The following PARP8 variants were observed in gnomAD, a reference collection of about 807,000 sequenced individuals.
PARP8 encodes the protein poly(ADP-ribose) polymerase family member 8, also known as protein mono-ADP-ribosyltransferase PARP8.
In PARP8, 51 loss-of-function variants were observed where a neutral mutation model predicts 124.1. The ratio of observed to expected loss-of-function variants is 0.41; its 90% CI spans 0.33 to 0.52. PARP8 has a LOEUF of 0.52. Among genes scored for constraint, PARP8 ranks in the 20% least tolerant of loss-of-function variants. PARP8 has a pLI of 0.21. For synonymous variants in PARP8, 391 were observed against 361.5 expected (o/e 1.08, Z -0.93); for missense variants, 860 against 1,018.9 (o/e 0.84, Z 2.12).
rs1246923684 is a variant in PARP8, at chr5:50,795,255, A to G, written c.1266A>G (p.Gly422=). 1.2e-6 allele frequency: 2 copies of G among 1,614,086 alleles called. No individual in the cohort carries two copies. Among genetic ancestry groups the G allele is most frequent in the African/African-American group, 1.3e-5 (1 of 74,924 alleles). ...ATCTCAGAATGGAAGAATTATATGGACTGAAAAATCACAAATTGCTCAGCA... is the reference window on the plus strand; with the variant it reads ...ATCTCAGAATGGAAGAATTATATGGGCTGAAAAATCACAAATTGCTCAGCA... ...SSNLRMEELY[G]LKNHKLLSKS... is the part of the protein sequence containing the mutation. Residue 422 remains glycine, a synonymous_variant, in exon 12 of 26, where the codon GGA becomes GGG. Transcript: ENST00000281631.
chr5:50,701,359 A>G (rs1753574589), intron 2 of PARP8, among the ~76,000 whole-genome samples: 1 of 152,150 alleles, frequency 6.6e-6, no homozygotes, highest in Non-Finnish European at 1.5e-5. Context: ...TGTGTGGGAT[A>G]CGGATCATGG....
chr5:50,842,677 A>G lies in PARP8; in HGVS notation c.*609A>G, dbSNP rs1216755529. 2 of 151,790 alleles carry G rather than the reference A, an allele frequency of 1.3e-5. No individual in the cohort carries two copies. Among genetic ancestry groups the G allele is most frequent in the Admixed American group, 1.3e-4 (2 of 15,204 alleles). 9.4% of individuals were successfully genotyped at this position (151,790 alleles called of 1,614,324 possible). ...TGTGGTTGTGAATATATTTGTGTATATTCACACGTATGTTTTGACAAGAAA... is the reference window on the plus strand; with the variant it reads ...TGTGGTTGTGAATATATTTGTGTATGTTCACACGTATGTTTTGACAAGAAA... On this transcript the variant is annotated 3_prime_UTR_variant, in exon 26 of 26. Transcript: ENST00000281631.
chr5:50,753,072 A>G (rs1759436695), intron 3 of PARP8, among the ~76,000 whole-genome samples: 1 of 152,120 alleles, frequency 6.6e-6, no homozygotes, highest in Non-Finnish European at 1.5e-5. Context: ...AAGTGAAGAA[A>G]TAGAGAGGCC....
chr5:50,788,721 C>A, intron 10 of PARP8, 132 bp downstream of exon 10: 1 of 708,804 alleles, frequency 1.4e-6, no homozygotes, highest in Non-Finnish European at 2.4e-6. Flanking sequence ...GAGAGGAAAT[C>A]ATCATGATGC....
Position 50,667,160 on chromosome 5 carries a change from G to A in PARP8, c.65G>A (p.Arg22Lys). Residue 22 changes from arginine (R) to lysine (K), a missense_variant, in exon 1 of 26, where the codon AGA (arginine) becomes AAA (lysine). Arg to Lys is a conservative substitution (Grantham distance 26). This residue lies in a region of PARP8 where 517 missense variants were observed against 544.2 expected (regional missense o/e 0.95). Coordinates refer to ENST00000281631, the MANE Select transcript of PARP8 (RefSeq NM_024615.4). ...KDIDVVIQKS[R>K]AEKDCLFADF... is the part of the protein sequence containing the mutation. ...ATCGACGTCGTGATCCAGAAGTCCA[G>A]AGCTGAGAAGGACTGCCTGTTTGCA... is the stretch of plus-strand genomic sequence containing the variant. 1 of 1,596,406 alleles carries A rather than the reference G, an allele frequency of 6.3e-7. No homozygotes were observed. Among genetic ancestry groups the A allele is most frequent in the African/African-American group, 1.3e-5 (1 of 74,968 alleles).
intron 14 of PARP8, among the ~76,000 whole-genome samples, chr5:50,799,905 C>T (rs374957898): frequency 6.6e-6 from 1 of 152,264 alleles, no homozygotes; most frequent in Admixed American, 6.5e-5. Context: ...AGCAGATGGG[C>T]CCTCATCAGG....
intron 2 of PARP8, among the ~76,000 whole-genome samples, chr5:50,712,791 G>C (rs1193827089): frequency 6.6e-6 from 1 of 151,746 alleles, no homozygotes; most frequent in East Asian, 1.9e-4. Flanking sequence ...GGAGAAGAAA[G>C]ATATTTTGGT....
At chr5:50,680,281 T>A (rs1466966938) in intron 2 of PARP8, among the ~76,000 whole-genome samples, 19 of 152,258 alleles carry the variant, frequency 1.2e-4, no homozygotes, top group East Asian at 3.9e-4. Flanking sequence ...AGGATTTTTT[T>A]ATTTTATTTT....
intron 25 of PARP8, among the ~76,000 whole-genome samples, chr5:50,838,209 A>G (rs1289546804): frequency 6.6e-6 from 1 of 152,130 alleles, no homozygotes; most frequent in Non-Finnish European, 1.5e-5. Context: ...GTAATTTTAT[A>G]CATCAAAGAG....
chr5:50,805,937 C>T (rs544525523), intron 14 of PARP8, among the ~76,000 whole-genome samples: 25 of 152,150 alleles, frequency 1.6e-4, no homozygotes, highest in Non-Finnish European at 3.1e-4. Context: ...GGGGATTTCT[C>T]TGGTCATCTC....
intron 8 of PARP8, among the ~76,000 whole-genome samples, 168 bp downstream of exon 8, chr5:50,778,297 T>C (rs764184893): frequency 2.0e-5 from 3 of 152,220 alleles, no homozygotes; most frequent in Non-Finnish European, 2.9e-5. Flanking sequence ...GCAGCGATTT[T>C]GTAAACATAT....
chr5:50,807,217 C>T (rs190073995), intron 14 of PARP8, among the ~76,000 whole-genome samples: 4 of 151,886 alleles, frequency 2.6e-5, no homozygotes, highest in Admixed American at 2.0e-4. Context: ...GTTAGCATGT[C>T]GCACTCTCTG....
intron 10 of PARP8, among the ~76,000 whole-genome samples, chr5:50,790,248 G>A (rs999796803): frequency 1.3e-5 from 2 of 152,132 alleles, no homozygotes; most frequent in African/African-American, 2.4e-5. Context: ...ATAATGTAGT[G>A]TTCTCTTATA....
chr5:50,829,838 TATC>T, intron 21 of PARP8, 51 bp from the exon 22 acceptor site: 2 of 1,486,982 alleles, frequency 1.3e-6, no homozygotes, highest in Non-Finnish European at 1.8e-6. Flanking sequence ...TGTCAAATAT[TATC>T]ATTTAAACCA....
At chr5:50,826,130 G>C (rs1430779745) in intron 18 of PARP8, among the ~76,000 whole-genome samples, 1 of 151,690 alleles carries the variant, frequency 6.6e-6, no homozygotes, top group Non-Finnish European at 1.5e-5. Flanking sequence ...TTTAATTCTT[G>C]TGATCATTTC....
At chr5:50,828,244 A>T in intron 20 of PARP8, 68 bp from the exon 21 acceptor site, 2 of 1,471,628 alleles carry the variant, frequency 1.4e-6, no homozygotes, top group Non-Finnish European at 9.5e-7. Context: ...ATGACTTATT[A>T]TGTTTTGACC....
chr5:50,704,612 TAC>T (rs1753941206), intron 2 of PARP8, among the ~76,000 whole-genome samples: 1 of 152,166 alleles, frequency 6.6e-6, no homozygotes, highest in Non-Finnish European at 1.5e-5. Flanking sequence ...AGTGTTAAAG[TAC>T]ACACTGGATT....
At position 50,795,200 on chromosome 5, in the gene PARP8, A is replaced by T. The variant is rs142021272; in HGVS notation, c.1211A>T (p.His404Leu). ...RCEHNTNLKPHKLLSRSYSSN... is the reference protein window; with the variant it reads ...RCEHNTNLKPLKLLSRSYSSN... The stretch of plus-strand genomic sequence containing the variant: ...GAGCACAACACAAACTTGAAGCCCC[A>T]TAAACTGTTAAGCAGGTCTTACTCT... The change falls in exon 12 of 26, where the codon CAT (histidine) becomes CTT (leucine). Residue 404 changes from histidine (H) to leucine (L), a missense_variant. His to Leu is a moderately conservative substitution (Grantham distance 99). Coordinates refer to ENST00000281631, the MANE Select transcript of PARP8 (RefSeq NM_024615.4). 1 of 1,614,206 alleles carries T rather than the reference A, an allele frequency of 6.2e-7. No individual in the cohort carries two copies. Among genetic ancestry groups the T allele is most frequent in the Non-Finnish European group, 8.5e-7 (1 of 1,180,026 alleles).
chr5:50,749,291 A>G (rs1042206780), intron 2 of PARP8, among the ~76,000 whole-genome samples: 2 of 152,196 alleles, frequency 1.3e-5, no homozygotes, highest in African/African-American at 4.8e-5. Context: ...ACAAACTAAA[A>G]TTTGACTTTT....
Sources: allele counts gnomAD v4.1 joint callset (sites outside exome capture counted in the v4.1 genomes callset), GRCh38; gene constraint gnomAD v4.1.1; regional missense constraint gnomAD v4.1.1; transcripts MANE v1.5; gene names NCBI Gene and HGNC (gene_info 2026-07-23, HGNC 2026-07-21).